SH3PXD2A: variants seen among roughly 807,000 people sequenced by gnomAD.
SH3PXD2A encodes the protein SH3 and PX domain-containing protein 2A.
SH3PXD2A carries 32 observed loss-of-function variants against 115.2 expected under a neutral mutation model. That is an observed-to-expected ratio of 0.28 (90% CI 0.21 to 0.37). SH3PXD2A has a LOEUF of 0.37. SH3PXD2A is among the 10% of genes least tolerant of loss of function. The probability of loss-of-function intolerance (pLI) is 1.00; values close to 1 mark genes in which losing one functional copy is unlikely to be tolerated. For missense variants in SH3PXD2A, 1,328 were observed against 1,498.7 expected, an observed-to-expected ratio of 0.89 and a Z score of 1.88; for synonymous variants, 610 against 629.1, an observed-to-expected ratio of 0.97 and a Z score of 0.45.
At chr10:103,713,154 C>A (rs116493056) in intron 5 of SH3PXD2A, among the ~76,000 whole-genome samples, 1 of 152,152 alleles carries the variant, frequency 6.6e-6, no homozygotes, top group Non-Finnish European at 1.5e-5. Flanking sequence ...AAGTTACAGA[C>A]GTGCCCAAAC....
chr10:103,721,196 T>G (rs982222362), intron 5 of SH3PXD2A, among the ~76,000 whole-genome samples: 1 of 152,248 alleles, frequency 6.6e-6, no homozygotes, highest in Non-Finnish European at 1.5e-5. Flanking sequence ...TGTGGAGCAC[T>G]TCCTGTGCAC....
At chr10:103,824,136 G>A (rs1440042797) in intron 1 of SH3PXD2A, among the ~76,000 whole-genome samples, 1 of 152,166 alleles carries the variant, frequency 6.6e-6, no homozygotes, top group African/African-American at 2.4e-5. Flanking sequence ...CCACTGACTG[G>A]CTCAGACCAA....
chr10:103,704,005 TAAACA>T (rs2037951565), intron 5 of SH3PXD2A, among the ~76,000 whole-genome samples: 1 of 152,192 alleles, frequency 6.6e-6, no homozygotes, highest in Non-Finnish European at 1.5e-5. Context: ...TGCTGGGGGA[TAAACA>T]AGTTAATACA....
chr10:103,711,593 G>A (rs1411186738), intron 5 of SH3PXD2A, among the ~76,000 whole-genome samples: 2 of 152,210 alleles, frequency 1.3e-5, no homozygotes, highest in Non-Finnish European at 2.9e-5. Flanking sequence ...AGCAATCTGT[G>A]CAAGGGCAGC....
At chr10:103,702,608 T>TGTG in intron 5 of SH3PXD2A, among the ~76,000 whole-genome samples, 1 of 151,630 alleles carries the variant, frequency 6.6e-6, no homozygotes, top group Non-Finnish European at 1.5e-5. Context: ...TGTGTGTGTG[T>TGTG]GTGTGCATGC....
At chr10:103,735,151 C>T (rs1196033778) in intron 4 of SH3PXD2A, among the ~76,000 whole-genome samples, 1 of 152,258 alleles carries the variant, frequency 6.6e-6, no homozygotes, top group African/African-American at 2.4e-5. Flanking sequence ...TAATCAAAGA[C>T]AGACAGGTGG....
chr10:103,810,334 AG>A (rs1365873890), intron 1 of SH3PXD2A, among the ~76,000 whole-genome samples: 13 of 152,330 alleles, frequency 8.5e-5, no homozygotes, highest in Non-Finnish European at 1.9e-4. Context: ...GATGAGGCAA[AG>A]CATCCAACCT....
intron 4 of SH3PXD2A, among the ~76,000 whole-genome samples, chr10:103,731,050 G>C (rs1354356838): frequency 6.6e-6 from 1 of 152,106 alleles, no homozygotes; most frequent in Non-Finnish European, 1.5e-5. Flanking sequence ...ATGGAAGACA[G>C]AGGCAGGAGC....
chr10:103,786,380 A>G (rs917147274), intron 2 of SH3PXD2A, among the ~76,000 whole-genome samples: 3 of 151,908 alleles, frequency 2.0e-5, no homozygotes, highest in Non-Finnish European at 4.4e-5. Context: ...AAAAAGGGGG[A>G]ATGTTGGGGG....
At chr10:103,671,826 T>C (rs1321945398) in intron 6 of SH3PXD2A, among the ~76,000 whole-genome samples, 1 of 152,210 alleles carries the variant, frequency 6.6e-6, no homozygotes, top group Non-Finnish European at 1.5e-5. Flanking sequence ...AACCAACTGC[T>C]TCCTGCCTTC....
chr10:103,655,646 G>A lies in SH3PXD2A; in HGVS notation c.604+5337C>T, dbSNP rs1476822574. Among the ~76,000 whole-genome samples, 5 of 151,810 alleles carry A rather than the reference G, an allele frequency of 3.3e-5. No homozygotes were observed. In the South Asian group the frequency reaches 6.2e-4, roughly 19 times the overall value. ...AGATCAGGCAGGCATGGTGGTGCAC[G>A]CCTGTAATCCCAGTTACTCGGGAGG... On this transcript the variant is annotated intron_variant, in intron 8 of 14. Coordinates refer to ENST00000369774, the MANE Select transcript of SH3PXD2A (RefSeq NM_001394015.1).
chr10:103,655,656 C>T (rs59745009), intron 8 of SH3PXD2A, among the ~76,000 whole-genome samples: 26 of 151,550 alleles, frequency 1.7e-4, no homozygotes, highest in Admixed American at 1.5e-3. Flanking sequence ...GCCTGTAATC[C>T]CAGTTACTCG....
At chr10:103,789,897 C>T (rs530236601) in intron 2 of SH3PXD2A, among the ~76,000 whole-genome samples, 2 of 152,166 alleles carry the variant, frequency 1.3e-5, no homozygotes, top group African/African-American at 4.8e-5. Context: ...CTGCCCCTGG[C>T]AAAGCTGGGG....
intron 5 of SH3PXD2A, among the ~76,000 whole-genome samples, chr10:103,701,446 TTCATCCATCCATCATCCATCCA>T (rs200339366): frequency 6.6e-5 from 9 of 136,224 alleles, no homozygotes; most frequent in African/African-American, 2.0e-4. Context: ...CATCTATCCA[TTCATCCATCCATCATCCATCCA>T]TCATCCATCC....
intron 2 of SH3PXD2A, among the ~76,000 whole-genome samples, chr10:103,785,649 C>T (rs895524970): frequency 3.3e-5 from 5 of 152,226 alleles, no homozygotes; most frequent in South Asian, 2.1e-4. Flanking sequence ...TTCCAAAAGG[C>T]GCGTCTGTAC....
At chr10:103,726,313 T>C (rs1176739696) in intron 4 of SH3PXD2A, among the ~76,000 whole-genome samples, 2 of 152,182 alleles carry the variant, frequency 1.3e-5, no homozygotes, top group African/African-American at 4.8e-5. Flanking sequence ...CTGGGCCAAG[T>C]ACAGTAAGTC....
chr10:103,639,087 C>G (rs1024281377), intron 8 of SH3PXD2A, among the ~76,000 whole-genome samples: 8 of 152,176 alleles, frequency 5.3e-5, no homozygotes, highest in Non-Finnish European at 7.3e-5. Flanking sequence ...TGCAGGGGGA[C>G]TTGGCACGAG....
chr10:103,685,337 CAAAAAAAAAA>C (rs775424414), intron 6 of SH3PXD2A, among the ~76,000 whole-genome samples: 1 of 56,390 alleles, frequency 1.8e-5, no homozygotes, highest in African/African-American at 7.0e-5. Flanking sequence ...AACTCTGTCT[CAAAAAAAAAA>C]AAAAAAAAAA....
At chr10:103,625,845 G>A (rs1437056827) in intron 9 of SH3PXD2A, among the ~76,000 whole-genome samples, 1 of 152,242 alleles carries the variant, frequency 6.6e-6, no homozygotes, top group African/African-American at 2.4e-5. Context: ...AGCTGACATT[G>A]TGCCACTGCA....
Sources: allele counts gnomAD v4.1 joint callset (sites outside exome capture counted in the v4.1 genomes callset), GRCh38; gene constraint gnomAD v4.1.1; transcripts MANE v1.5; gene names NCBI Gene and HGNC (gene_info 2026-07-23, HGNC 2026-07-21).